DPYD: variants seen among roughly 807,000 people sequenced by gnomAD.
DPYD encodes dihydropyrimidine dehydrogenase [NADP(+)].
A neutral mutation model predicts 116.2 loss-of-function variants in DPYD; 109 were observed. The ratio of observed to expected loss-of-function variants is 0.94; its 90% CI spans 0.80 to 1.10. DPYD has a LOEUF of 1.10. Among genes scored for constraint, DPYD ranks in the 50% least tolerant of loss-of-function variants. DPYD has a pLI of 0.00. For synonymous variants in DPYD, 440 were observed against 432.0 expected, an observed-to-expected ratio of 1.02 and a Z score of -0.23; for missense variants, 1,302 against 1,254.5, an observed-to-expected ratio of 1.04 and a Z score of -0.57.
intron 18 of DPYD, among the ~76,000 whole-genome samples, chr1:97,266,660 C>T (rs1269808864): frequency 6.6e-6 from 1 of 152,068 alleles, no homozygotes; most frequent in African/African-American, 2.4e-5. Flanking sequence ...AGTATTTCTC[C>T]TAATGCTATC....
Position 97,335,359 on chromosome 1 carries a change from C to A in DPYD, c.2059-29062G>T, listed in dbSNP as rs200077968. Among the ~76,000 whole-genome samples the A allele has an allele frequency of 1.3e-4, 19 of 150,468 alleles. 1 individual carries two copies. In the East Asian group the frequency reaches 2.6e-3, roughly 20 times the overall value. On this transcript the variant is annotated intron_variant, in intron 16 of 22. Transcript: ENST00000370192. Reference sequence around the variant, plus strand: ...ACACACACACACGATGCCTGGGATCCAGAATTCCTGAAGAATCTCAGGAAA... The same window carrying A: ...ACACACACACACGATGCCTGGGATCAAGAATTCCTGAAGAATCTCAGGAAA...
At chr1:97,724,788 C>A (rs1284687291) in intron 4 of DPYD, among the ~76,000 whole-genome samples, 1 of 151,454 alleles carries the variant, frequency 6.6e-6, no homozygotes, top group Non-Finnish European at 1.5e-5. Flanking sequence ...ATCAATCGGA[C>A]ACATAAAATC....
At chr1:97,291,700 GT>G in intron 18 of DPYD, among the ~76,000 whole-genome samples, 1 of 151,396 alleles carries the variant, frequency 6.6e-6, no homozygotes, top group Non-Finnish European at 1.5e-5. Flanking sequence ...GGTGGGGGGA[GT>G]GGGGAGGGAT....
rs1648127743 is a variant in DPYD, at chr1:97,515,204, T to C, written c.1740+522A>G. Among the ~76,000 whole-genome samples, 4 of 152,092 alleles carry C rather than the reference T, an allele frequency of 2.6e-5. 1 individual carries two copies. Among genetic ancestry groups the C allele is most frequent in the Middle Eastern group, 3.4e-3 (1 of 294 alleles). On this transcript the variant is annotated intron_variant, in intron 13 of 22. Transcript: ENST00000370192. ...AATACGTAGTTTATTTCCTACTAAG[T>C]ATAAGATGTCCACTTCTGGTTAAGT...
At chr1:97,719,120 A>C (rs116756399) in intron 5 of DPYD, among the ~76,000 whole-genome samples, 1,648 of 149,660 alleles carry the variant, frequency 0.011, 14 homozygotes, top group Middle Eastern at 0.031. Flanking sequence ...GAAACAGCAA[A>C]AGGCTGAATA....
intron 3 of DPYD, among the ~76,000 whole-genome samples, chr1:97,785,414 C>T (rs1666964896): frequency 6.6e-6 from 1 of 152,026 alleles, no homozygotes; most frequent in Non-Finnish European, 1.5e-5. Flanking sequence ...GCATATTATT[C>T]AATTTGAATA....
intron 2 of DPYD, among the ~76,000 whole-genome samples, chr1:97,845,629 C>A (rs1670257618): frequency 6.6e-6 from 1 of 152,140 alleles, no homozygotes; most frequent in African/African-American, 2.4e-5. Flanking sequence ...TCAGGACCCA[C>A]CAAATGGTGG....
intron 13 of DPYD, among the ~76,000 whole-genome samples, chr1:97,454,936 A>G (rs1167991422): frequency 6.6e-6 from 1 of 151,926 alleles, no homozygotes; most frequent in Non-Finnish European, 1.5e-5. Context: ...GGCTACATAT[A>G]CCATAGTGGA....
At chr1:97,662,014 T>TTA in intron 8 of DPYD, among the ~76,000 whole-genome samples, 1 of 144,280 alleles carries the variant, frequency 6.9e-6, no homozygotes, top group Non-Finnish European at 1.5e-5. Context: ...TTTTTTTTTT[T>TTA]TACGGAGTCT....
chr1:97,627,424 G>A (rs2100784958), intron 8 of DPYD, among the ~76,000 whole-genome samples: 1 of 152,158 alleles, frequency 6.6e-6, no homozygotes, highest in East Asian at 1.9e-4. Context: ...AATCCCCAGT[G>A]TTCCATTGTG....
intron 13 of DPYD, among the ~76,000 whole-genome samples, chr1:97,480,761 A>AC (rs1344491829): frequency 6.6e-6 from 1 of 152,202 alleles, no homozygotes; most frequent in Non-Finnish European, 1.5e-5. Context: ...CATGCAGATC[A>AC]CCTGAGGTCA....
chr1:97,469,566 A>G (rs1677529027), intron 13 of DPYD, among the ~76,000 whole-genome samples: 1 of 152,154 alleles, frequency 6.6e-6, no homozygotes, highest in African/African-American at 2.4e-5. Context: ...GTTTCATATT[A>G]GCTATACAGA....
At chr1:97,552,198 A>G (rs1651372985) in intron 11 of DPYD, among the ~76,000 whole-genome samples, 1 of 152,090 alleles carries the variant, frequency 6.6e-6, no homozygotes, top group Non-Finnish European at 1.5e-5. Flanking sequence ...TTTCTTAAAG[A>G]AGAGCTCTCA....
chr1:97,150,177 C>T (rs1175515988), intron 20 of DPYD, among the ~76,000 whole-genome samples: 1 of 152,086 alleles, frequency 6.6e-6, no homozygotes, highest in Non-Finnish European at 1.5e-5. Flanking sequence ...GAACGCTTCC[C>T]TGATACCCAA....
chr1:97,581,753 A>C (rs1281810003), intron 10 of DPYD, among the ~76,000 whole-genome samples: 5 of 151,112 alleles, frequency 3.3e-5, no homozygotes, highest in Non-Finnish European at 5.9e-5. Flanking sequence ...CTCAAAAAAA[A>C]AAAAAAAAAA....
intron 3 of DPYD, among the ~76,000 whole-genome samples, chr1:97,786,727 C>T (rs965188683): frequency 1.9e-4 from 29 of 152,214 alleles, no homozygotes; most frequent in African/African-American, 6.3e-4. Flanking sequence ...TTAAATTACA[C>T]ATTCTGAAGG....
At chr1:97,213,758 C>T (rs949756314) in intron 19 of DPYD, among the ~76,000 whole-genome samples, 5 of 152,146 alleles carry the variant, frequency 3.3e-5, no homozygotes, top group East Asian at 3.9e-4. Context: ...TAAGGACCTT[C>T]GTCCTCTGTT....
chr1:97,837,680 A>T (rs1669834720), intron 2 of DPYD, among the ~76,000 whole-genome samples: 1 of 152,176 alleles, frequency 6.6e-6, no homozygotes, highest in Non-Finnish European at 1.5e-5. Flanking sequence ...ATAATAAGTG[A>T]TTATCAATTC....
intron 11 of DPYD, among the ~76,000 whole-genome samples, chr1:97,560,349 A>G (rs907354426): frequency 6.6e-6 from 1 of 152,192 alleles, no homozygotes; most frequent in Non-Finnish European, 1.5e-5. Flanking sequence ...TAATGTAGGT[A>G]AATAGATTGA....
Sources: gnomAD v4.1 joint callset for allele counts (sites outside exome capture counted in the v4.1 genomes callset) on GRCh38, gnomAD v4.1.1 for gene constraint, MANE v1.5 for transcripts, NCBI Gene and HGNC (gene_info 2026-07-23, HGNC 2026-07-21) for gene names.